The following KIN variants were observed in gnomAD, a reference collection of about 807,000 sequenced individuals.
The protein encoded by KIN is DNA/RNA-binding protein KIN17.
Under a neutral mutation model 63.0 loss-of-function variants are expected in KIN, and 47 were observed. The observed-to-expected ratio is 0.75, with a 90% confidence interval of 0.59 to 0.95. The LOEUF is 0.95. KIN is among the 40% of genes least tolerant of loss of function. The pLI is 0.00. For synonymous variants in KIN, 160 were observed against 157.7 expected (o/e 1.01, Z -0.11); for missense variants, 408 against 460.9 (o/e 0.89, Z 1.05).
chr10:7,775,348 C>T (rs1411633970), intron 6 of KIN, among the ~76,000 whole-genome samples: 1 of 152,178 alleles, frequency 6.6e-6, no homozygotes, highest in Non-Finnish European at 1.5e-5. Context: ...GGAGGAGTGT[C>T]TTCTTGGAAA....
intron 7 of KIN, among the ~76,000 whole-genome samples, chr10:7,770,514 G>T (rs1264471631): frequency 6.6e-6 from 1 of 152,200 alleles, no homozygotes; most frequent in East Asian, 1.9e-4. Flanking sequence ...ACAGTACCTT[G>T]TGGCATGCAT....
intron 7 of KIN, among the ~76,000 whole-genome samples, chr10:7,771,381 C>T (rs951624767): frequency 6.6e-6 from 1 of 152,094 alleles, no homozygotes; most frequent in Non-Finnish European, 1.5e-5. Context: ...GTTGGAAATG[C>T]TTATTAATCT....
chr10:7,784,971 T>G (rs1165904802), intron 1 of KIN, among the ~76,000 whole-genome samples: 2 of 152,052 alleles, frequency 1.3e-5, no homozygotes, highest in Non-Finnish European at 2.9e-5. Flanking sequence ...TACTATAGGC[T>G]GGGCATGGTG....
intron 1 of KIN, among the ~76,000 whole-genome samples, chr10:7,786,217 T>C (rs1588490975): frequency 1.3e-5 from 2 of 152,068 alleles, no homozygotes; most frequent in Admixed American, 6.5e-5. Context: ...CAAGGAGCAG[T>C]TGGAGGACAA....
chr10:7,779,629 G>A (rs1012880759), intron 4 of KIN, among the ~76,000 whole-genome samples: 2 of 152,082 alleles, frequency 1.3e-5, no homozygotes, highest in African/African-American at 4.8e-5. Flanking sequence ...CCTAACAATA[G>A]AGTATAAAAA....
At chr10:7,768,541 CA>C (rs34335990) in intron 8 of KIN, among the ~76,000 whole-genome samples, 6 of 148,200 alleles carry the variant, frequency 4.0e-5, no homozygotes. Flanking sequence ...AAACAGCAAC[CA>C]AAAAAAAAAC....
At position 7,753,933 on chromosome 10, in the gene KIN, C is replaced by A. The variant is rs74121646; in HGVS notation, c.*2147G>T. The A allele has an allele frequency of 7.5e-6, 3 of 400,562 alleles. No individual in the cohort carries two copies. Among genetic ancestry groups the A allele is most frequent in the Non-Finnish European group, 1.5e-5 (3 of 196,110 alleles). 24.8% of individuals were successfully genotyped at this position (400,562 alleles called of 1,614,324 possible). ...TGACTCTCAGTTAAAGAGAGAGATC[C>A]CAGGGTTTGGCACCATACCTGTGTC... is the stretch of plus-strand genomic sequence containing the variant. On this transcript the variant is annotated 3_prime_UTR_variant, in exon 13 of 13. Coordinates refer to ENST00000379562, the MANE Select transcript of KIN (RefSeq NM_012311.4).
intron 12 of KIN, among the ~76,000 whole-genome samples, chr10:7,758,424 G>T (rs900336505): frequency 6.6e-6 from 1 of 152,104 alleles, no homozygotes. Flanking sequence ...AAACAGAAAG[G>T]CTTTTCATGT....
At chr10:7,771,169 C>G (rs891319063) in intron 7 of KIN, among the ~76,000 whole-genome samples, 1 of 152,150 alleles carries the variant, frequency 6.6e-6, no homozygotes, top group Non-Finnish European at 1.5e-5. Flanking sequence ...CAACTTGCTA[C>G]TTAAATGTTC....
chr10:7,785,508 G>T (rs1400762053), intron 1 of KIN, among the ~76,000 whole-genome samples: 1 of 151,920 alleles, frequency 6.6e-6, no homozygotes, highest in Non-Finnish European at 1.5e-5. Flanking sequence ...TCAAGAAAAA[G>T]ACGGCTGGGC....
chr10:7,786,497 C>A (rs543729216), intron 1 of KIN, among the ~76,000 whole-genome samples: 3 of 152,102 alleles, frequency 2.0e-5, no homozygotes, highest in African/African-American at 7.2e-5. Flanking sequence ...GAACCCTAAC[C>A]CCCAAGGGAA....
rs758064650 is a variant in KIN at position 7,787,905 on chromosome 10, T to G, written c.29A>C (p.Lys10Thr). Residue 10 changes from lysine (K) to threonine (T), a missense_variant, in exon 1 of 13, where the codon AAG (lysine) becomes ACG (threonine). Lys to Thr is a moderately conservative substitution (Grantham distance 78). Coordinates refer to ENST00000379562, the MANE Select transcript of KIN (RefSeq NM_012311.4). MGKSDFLTPKAIANRIKSKG... is the reference protein window; with the variant it reads MGKSDFLTPTAIANRIKSKG... ...GGACTTGATCCTGTTGGCGATAGCCTTGGGAGTAAGAAAATCCGACTTCCC... is the reference window on the plus strand; with the variant it reads ...GGACTTGATCCTGTTGGCGATAGCCGTGGGAGTAAGAAAATCCGACTTCCC... The G allele has an allele frequency of 6.2e-7, 1 of 1,614,078 alleles. No homozygotes were observed. Among genetic ancestry groups the G allele is most frequent in the South Asian group, 1.1e-5 (1 of 91,088 alleles).
chr10:7,772,555 CATT>C (rs978813274), intron 7 of KIN, among the ~76,000 whole-genome samples: 2 of 152,306 alleles, frequency 1.3e-5, no homozygotes, highest in Admixed American at 1.3e-4. Context: ...ATATCCACAT[CATT>C]TAGTTTTTCT....
intron 8 of KIN, among the ~76,000 whole-genome samples, chr10:7,766,620 G>T (rs1835548169): frequency 6.6e-6 from 1 of 151,924 alleles, no homozygotes; most frequent in South Asian, 2.1e-4. Flanking sequence ...GAGCTGTGGG[G>T]CTGTATGGCG....
intron 2 of KIN, 107 bp from the exon 3 acceptor site, chr10:7,780,414 G>A (rs1835873460): frequency 1.1e-6 from 1 of 921,818 alleles, no homozygotes; most frequent in African/African-American, 1.7e-5. Flanking sequence ...TTTTTTTTGA[G>A]ACAGAGTCTC....
chr10:7,778,398 C>A (rs1835823045), intron 5 of KIN, among the ~76,000 whole-genome samples: 1 of 152,192 alleles, frequency 6.6e-6, no homozygotes, highest in Admixed American at 6.5e-5. Flanking sequence ...CAGGCTGGTT[C>A]TCCTCTTAGT....
intron 6 of KIN, among the ~76,000 whole-genome samples, 193 bp from the exon 7 acceptor site, chr10:7,775,084 C>T (rs1432554253): frequency 1.3e-5 from 2 of 152,210 alleles, no homozygotes; most frequent in African/African-American, 4.8e-5. Flanking sequence ...ACAGGAGGAA[C>T]TTGCACACCG....
At chr10:7,781,804 C>A (rs997749755) in intron 2 of KIN, among the ~76,000 whole-genome samples, 3 of 149,498 alleles carry the variant, frequency 2.0e-5, no homozygotes, top group African/African-American at 7.4e-5. Flanking sequence ...CACCTGTAAT[C>A]CCAGCACTTT....
In KIN at chr10:7,751,027, A is replaced by G. The variant is rs1417842592; in HGVS notation, c.*5053T>C. On this transcript the variant is annotated 3_prime_UTR_variant, in exon 13 of 13. Transcript: ENST00000379562. Reference sequence around the variant, plus strand: ...TAAATTATGTTCTAACAAAAGACCAATGACATTTATAAGGGAGAATAAAAT... The same window carrying G: ...TAAATTATGTTCTAACAAAAGACCAGTGACATTTATAAGGGAGAATAAAAT... 6.6e-6 allele frequency: 1 copy of G among 152,212 alleles called. No homozygotes were observed. The highest frequency in any genetic ancestry group is 1.5e-5 in the Non-Finnish European group (1 of 68,034). 9.4% of individuals were successfully genotyped at this position (152,212 alleles called of 1,614,324 possible). A position where few individuals can be genotyped will look rare whatever the true frequency, so the allele number is the denominator to read the frequency against.
Sources: gnomAD v4.1 joint callset for allele counts (sites outside exome capture counted in the v4.1 genomes callset) on GRCh38, gnomAD v4.1.1 for gene constraint, MANE v1.5 for transcripts, NCBI Gene and HGNC (gene_info 2026-07-23, HGNC 2026-07-21) for gene names.